Variants in PCDHGA4 observed in about 807,000 individuals in gnomAD.
The protein encoded by PCDHGA4 is protocadherin gamma-A4.
In PCDHGA4, 38 loss-of-function variants were observed where a neutral mutation model predicts 54.6. The observed-to-expected ratio is 0.70, with a 90% CI of 0.54 to 0.91. PCDHGA4 has a LOEUF of 0.91. Ranked by LOEUF, PCDHGA4 falls within the 40% of genes least tolerant of loss-of-function variation. PCDHGA4 has a pLI of 0.00. For synonymous variants in PCDHGA4, 511 were observed against 512.9 expected, an observed-to-expected ratio of 1.00 and a Z score of 0.05; for missense variants, 1,298 against 1,220.9, an observed-to-expected ratio of 1.06 and a Z score of -0.94.
chr5:141,374,226 T>C (rs1770289818), intron 1 of PCDHGA4: 1 of 1,613,964 alleles, frequency 6.2e-7, no homozygotes, highest in Non-Finnish European at 8.5e-7. Context: ...GTAGGCAACA[T>C]CGTCAAGGAT....
intron 1 of PCDHGA4, chr5:141,377,067 G>A (rs1202945515): frequency 6.6e-6 from 1 of 152,572 alleles, no homozygotes; most frequent in Non-Finnish European, 1.5e-5. Context: ...CCTTTGCAGA[G>A]AGTCACATAA....
intron 1 of PCDHGA4, chr5:141,365,768 G>C: frequency 6.2e-7 from 1 of 1,613,812 alleles, no homozygotes. Flanking sequence ...CCATGACCCC[G>C]ACAGCGGCGA....
chr5:141,394,115 T>A, intron 1 of PCDHGA4: 1 of 1,613,954 alleles, frequency 6.2e-7, no homozygotes, highest in Non-Finnish European at 8.5e-7. Context: ...CTCTGTCCAC[T>A]GAAACTCAAA....
Position 141,392,774 on chromosome 5 carries a change from C to A in PCDHGA4, c.2514+35153C>A, listed in dbSNP as rs752798314. The A allele has an allele frequency of 2.0e-6, 3 of 1,520,452 alleles. No homozygotes were observed. The South Asian group carries it at 3.9e-5, about 20-fold the overall frequency. The allele number at this position is 1,520,452 out of a possible 1,614,324, so 94.2% of individuals were successfully genotyped here. A position where few individuals can be genotyped will look rare whatever the true frequency, so the allele number is the denominator to read the frequency against. On this transcript the variant is annotated intron_variant, in intron 1 of 3. Coordinates refer to ENST00000571252, the MANE Select transcript of PCDHGA4 (RefSeq NM_018917.4). ...AGAAACTAAATAAGACCCATTTATG[C>A]ACAGTGAAGATTCTGAGAGGATTCT...
At chr5:141,362,492 C>G (rs369530205) in intron 1 of PCDHGA4, 1 of 1,613,902 alleles carries the variant, frequency 6.2e-7, no homozygotes, top group African/African-American at 1.3e-5. Flanking sequence ...GACAATGCCT[C>G]TTGGGAACAA....
chr5:141,433,208 CTTTT>C (rs745329085), intron 1 of PCDHGA4: 3 of 1,293,778 alleles, frequency 2.3e-6, no homozygotes, highest in African/African-American at 1.5e-5. Flanking sequence ...AATCTTCTTT[CTTTT>C]TTTTTTTTAA....
At chr5:141,399,362 C>G (rs182743080) in intron 1 of PCDHGA4, 1 of 1,613,872 alleles carries the variant, frequency 6.2e-7, no homozygotes, top group Non-Finnish European at 8.5e-7. Context: ...GAGCAAACCC[C>G]GGAGTACAAT....
At chr5:141,442,754 T>C (rs2098341364) in intron 1 of PCDHGA4, among the ~76,000 whole-genome samples, 1 of 152,220 alleles carries the variant, frequency 6.6e-6, no homozygotes, top group Non-Finnish European at 1.5e-5. Flanking sequence ...GTTTTGATTA[T>C]ATATATTTGT....
At chr5:141,419,385 C>T (rs753470433) in intron 1 of PCDHGA4, 6 of 1,613,686 alleles carry the variant, frequency 3.7e-6, no homozygotes, top group Admixed American at 1.7e-5. Context: ...TCCGTGAGCG[C>T]GCAGAGCGGG....
chr5:141,494,182 C>A (rs188628485), intron 1 of PCDHGA4, among the ~76,000 whole-genome samples: 1 of 152,126 alleles, frequency 6.6e-6, no homozygotes, highest in Non-Finnish European at 1.5e-5. Context: ...AGAAGTGTCC[C>A]GGGACTTGGA....
At position 141,491,346 on chromosome 5, in the gene PCDHGA4, T is replaced by A. The variant is rs760843553; in HGVS notation, c.2515-3461T>A. ...TCATTGTGGCTCTAGCGACCGTCAG[T>A]CTCTTATCCCTAGTCACCTTCACCT... On this transcript the variant is annotated intron_variant, in intron 1 of 3. Coordinates refer to ENST00000571252, the MANE Select transcript of PCDHGA4 (RefSeq NM_018917.4). This position sits in a 1 kb window ranked among gnomAD's most constrained non-coding sequence, Gnocchi z 6.9. The A allele has an allele frequency of 6.2e-7, 1 of 1,614,088 alleles. No individual in the cohort carries two copies. The highest frequency in any genetic ancestry group is 1.1e-5 in the South Asian group (1 of 91,080).
intron 1 of PCDHGA4, chr5:141,365,891 G>A (rs1764189637): frequency 1.2e-6 from 2 of 1,614,018 alleles, no homozygotes; most frequent in Non-Finnish European, 1.7e-6. Flanking sequence ...GAGATCCTTC[G>A]ACTATGAGCA....
chr5:141,362,282 G>A (rs750712376), intron 1 of PCDHGA4: 1 of 1,614,038 alleles, frequency 6.2e-7, no homozygotes, highest in Non-Finnish European at 8.5e-7. Context: ...CTGCGCCTGC[G>A]ACTCTCTTCC....
chr5:141,388,336 G>C, intron 1 of PCDHGA4: 2 of 1,613,966 alleles, frequency 1.2e-6, no homozygotes, highest in South Asian at 1.1e-5. Context: ...CCTGGCACAC[G>C]ATTTATATTA....
chr5:141,384,523 C>T, intron 1 of PCDHGA4: 3 of 1,614,256 alleles, frequency 1.9e-6, no homozygotes, highest in South Asian at 1.1e-5. Context: ...GGACCCGCCT[C>T]TCAGCAGCAA....
At chr5:141,385,250 G>A (rs1448897004) in intron 1 of PCDHGA4, 2 of 1,613,820 alleles carry the variant, frequency 1.2e-6, no homozygotes, top group Admixed American at 1.7e-5. Flanking sequence ...AGCCAGGAGA[G>A]CTGTGAGAAA....
chr5:141,355,052 TG>T lies in PCDHGA4; in HGVS notation c.-54del. On this transcript the variant is annotated 5_prime_UTR_variant, in exon 1 of 4. Transcript: ENST00000571252. ...ACAAGATTTCTGCAGCACAAAGCAC[TG>T]GCTCTGGAGCTTTATGAAAGCTTCA... 8.3e-7 allele frequency: 1 copy of T among 1,201,334 alleles called. No homozygotes were observed. The highest frequency in any genetic ancestry group is 1.1e-6 in the Non-Finnish European group (1 of 884,010). 74.4% of individuals were successfully genotyped at this position (1,201,334 alleles called of 1,614,324 possible). A position where few individuals can be genotyped will look rare whatever the true frequency, so the allele number is the denominator to read the frequency against.
At chr5:141,437,826 CT>C (rs1263000808) in intron 1 of PCDHGA4, among the ~76,000 whole-genome samples, 5 of 151,936 alleles carry the variant, frequency 3.3e-5, no homozygotes, top group African/African-American at 1.2e-4. Flanking sequence ...CAACCTCTGC[CT>C]CCTGGGTTCA....
chr5:141,477,854 C>T lies in PCDHGA4; in HGVS notation c.2515-16953C>T. Reference sequence around the variant, plus strand: ...GCCAGGTGGGAGCTCGGTGGAGATGCTGCCTCGAGGTACCTCAGCTGGCCA... The same window carrying T: ...GCCAGGTGGGAGCTCGGTGGAGATGTTGCCTCGAGGTACCTCAGCTGGCCA... On this transcript the variant is annotated intron_variant, in intron 1 of 3. Transcript: ENST00000571252. This position sits in a 1 kb window ranked among gnomAD's most constrained non-coding sequence, Gnocchi z 4.9. 1.9e-6 allele frequency: 3 copies of T among 1,614,098 alleles called. No individual in the cohort carries two copies. The South Asian group carries it at 3.3e-5, about 18-fold the overall frequency.
Sources: allele counts gnomAD v4.1 joint callset (sites outside exome capture counted in the v4.1 genomes callset), GRCh38; gene constraint gnomAD v4.1.1; non-coding constraint Gnocchi (gnomAD v3.1); transcripts MANE v1.5; gene names NCBI Gene and HGNC (gene_info 2026-07-23, HGNC 2026-07-21).